The following CAPN8 variants were observed in gnomAD, a reference collection of about 807,000 sequenced individuals.
CAPN8 encodes the protein calpain 8.
Under a neutral mutation model 80.9 loss-of-function variants are expected in CAPN8, and 87 were observed. The ratio of observed to expected loss-of-function variants is 1.07; its 90% CI spans 0.90 to 1.28. The LOEUF is 1.28. CAPN8 is among the 50% of genes most tolerant of loss of function. CAPN8 has a pLI of 0.00. For synonymous variants in CAPN8, 299 were observed against 273.8 expected (o/e 1.09, Z -0.91); for missense variants, 757 against 702.0 (o/e 1.08, Z -0.89).
At chr1:223,615,928 A>T (rs763575470) in intron 10 of CAPN8, 42 bp downstream of exon 10, 24 of 1,550,268 alleles carry the variant, frequency 1.5e-5, no homozygotes, top group Non-Finnish European at 1.8e-5. Context: ...CAGCCCCAAA[A>T]CATCAAGTGT....
At chr1:223,626,940 G>T in intron 5 of CAPN8, 49 bp downstream of exon 5, 2 of 1,526,182 alleles carry the variant, frequency 1.3e-6, no homozygotes, top group South Asian at 2.4e-5. Context: ...TACCACACAA[G>T]GGGTGGCGGT....
At chr1:223,547,730 C>A (rs1361249025) in intron 16 of CAPN8, among the ~76,000 whole-genome samples, 1 of 152,122 alleles carries the variant, frequency 6.6e-6, no homozygotes, top group Non-Finnish European at 1.5e-5. Context: ...TGAAGAGTGG[C>A]AGAGAGTCAC....
intron 2 of CAPN8, among the ~76,000 whole-genome samples, chr1:223,637,840 A>C (rs529321654): frequency 6.6e-6 from 1 of 152,272 alleles, no homozygotes; most frequent in South Asian, 2.1e-4. Flanking sequence ...AAAGCCCTGG[A>C]CCCTTACTTG....
At chr1:223,542,527 G>A (rs766137392) in intron 20 of CAPN8, among the ~76,000 whole-genome samples, 3 of 152,198 alleles carry the variant, frequency 2.0e-5, no homozygotes, top group Admixed American at 6.5e-5. Context: ...TAGTTCCACC[G>A]CCTCAGAATC....
chr1:223,622,740 T>C, intron 7 of CAPN8, 75 bp downstream of exon 7: 1 of 1,125,674 alleles, frequency 8.9e-7, no homozygotes, highest in Non-Finnish European at 1.3e-6. Flanking sequence ...GACATCGATC[T>C]CATTGTTGTG....
intron 3 of CAPN8, 23 bp from the exon 4 acceptor site, chr1:223,628,165 C>A: frequency 1.3e-6 from 2 of 1,529,374 alleles, no homozygotes; most frequent in Non-Finnish European, 1.8e-6. Flanking sequence ...GACACAGCGG[C>A]TGCTCACATG....
At chr1:223,644,219 G>T in intron 2 of CAPN8, 1 of 375,714 alleles carries the variant, frequency 2.7e-6, no homozygotes, top group Admixed American at 3.0e-5. Flanking sequence ...ACTAATACAA[G>T]GTTCATATAC....
At chr1:223,557,514 C>T (rs1022969909) in intron 13 of CAPN8, among the ~76,000 whole-genome samples, 26 of 152,264 alleles carry the variant, frequency 1.7e-4, no homozygotes, top group Admixed American at 2.6e-4. Flanking sequence ...ACCCATCATC[C>T]GCCACACCCA....
intron 2 of CAPN8, among the ~76,000 whole-genome samples, chr1:223,652,250 G>A (rs1005761572): frequency 5.3e-5 from 8 of 152,138 alleles, no homozygotes; most frequent in African/African-American, 1.9e-4. Flanking sequence ...GTTGAGGTGG[G>A]AGGATCACTT....
intron 11 of CAPN8, among the ~76,000 whole-genome samples, 182 bp downstream of exon 11, chr1:223,612,064 T>C (rs1477380101): frequency 1.3e-5 from 2 of 152,202 alleles, no homozygotes; most frequent in African/African-American, 4.8e-5. Flanking sequence ...GGACTTGCAA[T>C]GGTCCTCACC....
rs558291595 is a variant in CAPN8 at position 223,626,437 on chromosome 1, G to A, written c.730-549C>T. 9.9e-4 allele frequency among the ~76,000 whole-genome samples: 151 copies of A among 152,288 alleles called. 2 individuals carry two copies. The highest frequency in any genetic ancestry group is 3.3e-3 in the African/African-American group (137 of 41,564). On this transcript the variant is annotated intron_variant, in intron 5 of 20. Transcript: ENST00000366872. ...AAGGACAAGAGAGGAAGACAGGGCA[G>A]CCAGAGGGCAGCTGGTCACAGGAGC...
chr1:223,620,996 C>T (rs1157516070), intron 7 of CAPN8, among the ~76,000 whole-genome samples: 1 of 151,132 alleles, frequency 6.6e-6, no homozygotes, highest in African/African-American at 2.4e-5. Context: ...GCCTGAATAC[C>T]TTCAGCAAAA....
intron 13 of CAPN8, among the ~76,000 whole-genome samples, chr1:223,554,226 G>A (rs1254392872): frequency 6.6e-6 from 1 of 152,228 alleles, no homozygotes; most frequent in Admixed American, 6.5e-5. Flanking sequence ...ACTGACACCA[G>A]AAAATCTTGG....
intron 16 of CAPN8, among the ~76,000 whole-genome samples, chr1:223,547,016 C>T (rs374612812): frequency 5.3e-5 from 8 of 152,102 alleles, no homozygotes; most frequent in African/African-American, 7.2e-5. Context: ...CAGGCTCAAG[C>T]GATTCTCGTG....
chr1:223,656,828 C>A (rs937290066), intron 1 of CAPN8, among the ~76,000 whole-genome samples: 1 of 151,800 alleles, frequency 6.6e-6, no homozygotes, highest in Non-Finnish European at 1.5e-5. Flanking sequence ...GGACTACAGG[C>A]GCCCACCACC....
At chr1:223,647,662 T>C (rs189058670) in intron 2 of CAPN8, among the ~76,000 whole-genome samples, 1 of 152,240 alleles carries the variant, frequency 6.6e-6, no homozygotes, top group Admixed American at 6.5e-5. Context: ...AAACCTCGAA[T>C]TGATCGACAC....
intron 10 of CAPN8, among the ~76,000 whole-genome samples, chr1:223,615,621 G>A (rs781456859): frequency 5.0e-4 from 76 of 152,126 alleles, no homozygotes; most frequent in Non-Finnish European, 1.8e-4. Flanking sequence ...TCTTCCTTGT[G>A]CCACCTCAAG....
intron 2 of CAPN8, among the ~76,000 whole-genome samples, chr1:223,640,650 A>C (rs762527249): frequency 6.6e-6 from 1 of 152,050 alleles, no homozygotes; most frequent in South Asian, 2.1e-4. Context: ...CTCAAATCCC[A>C]TCCTCCTCCC....
intron 2 of CAPN8, among the ~76,000 whole-genome samples, chr1:223,654,113 G>C (rs574830686): frequency 3.3e-5 from 5 of 152,256 alleles, no homozygotes; most frequent in African/African-American, 1.2e-4. Flanking sequence ...TCTCTCATTA[G>C]GGGGAGCCAA....
Sources: allele counts gnomAD v4.1 joint callset (sites outside exome capture counted in the v4.1 genomes callset), GRCh38; gene constraint gnomAD v4.1.1; transcripts MANE v1.5; gene names NCBI Gene and HGNC (gene_info 2026-07-23, HGNC 2026-07-21).